GAB1: variants seen among roughly 807,000 people sequenced by gnomAD.
GAB1 encodes GRB2-associated-binding protein 1.
GAB1 carries 19 observed loss-of-function variants against 66.5 expected under a neutral mutation model. The observed-to-expected ratio is 0.29, with a 90% CI of 0.20 to 0.42. GAB1 has a LOEUF of 0.42. GAB1 is among the 10% of genes least tolerant of loss of function. The pLI, the probability that GAB1 is intolerant of heterozygous loss-of-function variation, is 1.00. For missense variants in GAB1, 732 were observed against 858.5 expected (o/e 0.85, Z 1.84); for synonymous variants, 294 against 301.4 (o/e 0.98, Z 0.25).
chr4:143,438,662 TA>T, intron 4 of GAB1, 62 bp downstream of exon 4: 1 of 1,522,374 alleles, frequency 6.6e-7, no homozygotes, highest in Non-Finnish European at 8.9e-7. Flanking sequence ...TTTTTCTGAA[TA>T]TTTGTTCTTT....
intron 8 of GAB1, among the ~76,000 whole-genome samples, chr4:143,463,873 T>C (rs1282800810): frequency 1.3e-5 from 2 of 152,102 alleles, no homozygotes; most frequent in Non-Finnish European, 2.9e-5. Context: ...AGACATAAAA[T>C]AGGTTAACTA....
chr4:143,438,477 G>A lies in GAB1; in HGVS notation c.1072G>A (p.Glu358Lys), dbSNP rs377101535. Reference sequence around the variant, plus strand: ...TCCAGCTCATGACCGATCTCCTGTGGAAACGTGTAGTATCCCACGCACCGC... The same window carrying A: ...TCCAGCTCATGACCGATCTCCTGTGAAAACGTGTAGTATCCCACGCACCGC... ...PHPAHDRSPV[E>K]TCSIPRTASD... Residue 358 changes from glutamate (E) to lysine (K), a missense_variant, in exon 4 of 10, where the codon GAA (glutamate) becomes AAA (lysine). By Grantham distance (56) the Glu-to-Lys change is moderately conservative (BLOSUM62 1). This residue lies in a region of GAB1 where 427 missense variants were observed against 420.6 expected (regional missense o/e 1.02). Transcript: ENST00000262994. 1 of 1,613,908 alleles carries A rather than the reference G, an allele frequency of 6.2e-7. No homozygotes were observed. Among genetic ancestry groups the A allele is most frequent in the Non-Finnish European group, 8.5e-7 (1 of 1,179,962 alleles).
intron 7 of GAB1, among the ~76,000 whole-genome samples, chr4:143,460,153 C>G (rs922013361): frequency 6.6e-6 from 1 of 151,984 alleles, no homozygotes; most frequent in Non-Finnish European, 1.5e-5. Context: ...AAATATTTTG[C>G]TGTCCAAAAT....
At chr4:143,360,316 T>A (rs1262917829) in intron 1 of GAB1, among the ~76,000 whole-genome samples, 1 of 152,204 alleles carries the variant, frequency 6.6e-6, no homozygotes, top group Non-Finnish European at 1.5e-5. Context: ...TCTTACGTTA[T>A]TTTTCTATTT....
intron 1 of GAB1, among the ~76,000 whole-genome samples, chr4:143,346,734 G>C (rs928111036): frequency 6.6e-6 from 1 of 152,144 alleles, no homozygotes; most frequent in Non-Finnish European, 1.5e-5. Flanking sequence ...ACAGTTTCAG[G>C]TTTAAATGTT....
Position 143,472,986 on chromosome 4 carries a change from C to G in GAB1, c.*3797C>G, listed in dbSNP as rs1422674183. Reference sequence around the variant, plus strand: ...TCAGCTTGAGAAAGTTGTTTTTAATCTGTCTAAATAGTTCATGCATTACTA... The same window carrying G: ...TCAGCTTGAGAAAGTTGTTTTTAATGTGTCTAAATAGTTCATGCATTACTA... On this transcript the variant is annotated 3_prime_UTR_variant, in exon 10 of 10. Transcript: ENST00000262994. 2 of 152,148 alleles carry G rather than the reference C, an allele frequency of 1.3e-5. No homozygotes were observed. The highest frequency in any genetic ancestry group is 2.9e-5 in the Non-Finnish European group (2 of 68,026). The allele number at this position is 152,148 out of a possible 1,614,324, so 9.4% of individuals were successfully genotyped here. A position where few individuals can be genotyped will look rare whatever the true frequency, so the allele number is the denominator to read the frequency against.
chr4:143,460,039 G>GTA (rs771639501), intron 7 of GAB1, among the ~76,000 whole-genome samples: 1 of 151,786 alleles, frequency 6.6e-6, no homozygotes, highest in Non-Finnish European at 1.5e-5. Flanking sequence ...GTGTGTGTGT[G>GTA]TATATAGTTT....
At chr4:143,462,043 C>CT (rs1447900950) in intron 8 of GAB1, among the ~76,000 whole-genome samples, 1 of 152,106 alleles carries the variant, frequency 6.6e-6, no homozygotes, top group Admixed American at 6.6e-5. Flanking sequence ...TCTCTTGAGC[C>CT]TAGTTCACAC....
At chr4:143,449,623 T>C (rs1734790851) in intron 6 of GAB1, among the ~76,000 whole-genome samples, 1 of 152,204 alleles carries the variant, frequency 6.6e-6, no homozygotes, top group Non-Finnish European at 1.5e-5. Flanking sequence ...CCCTGCCTTT[T>C]TTTGTTTTCC....
intron 1 of GAB1, among the ~76,000 whole-genome samples, chr4:143,348,444 C>G (rs1225326395): frequency 6.6e-6 from 1 of 152,216 alleles, no homozygotes; most frequent in Non-Finnish European, 1.5e-5. Context: ...TTTTCTTTGA[C>G]TTTTCTCTCT....
chr4:143,371,735 G>A lies in GAB1; in HGVS notation c.72+34475G>A, dbSNP rs143810635. On this transcript the variant is annotated intron_variant, in intron 1 of 9. Coordinates refer to ENST00000262994, the MANE Select transcript of GAB1 (RefSeq NM_002039.4). ...TTGAATTAATTTTTGTATAAGGTGT[G>A]AGGAAGGGATCCAGTTTCAGCTTTC... Among the ~76,000 whole-genome samples the A allele has an allele frequency of 6.8e-3, 1,036 of 152,172 alleles. 8 individuals are homozygous for A. Among genetic ancestry groups the A allele is most frequent in the African/African-American group, 0.023 (968 of 41,512 alleles).
At chr4:143,413,201 T>C (rs967743344) in intron 1 of GAB1, among the ~76,000 whole-genome samples, 19 of 151,986 alleles carry the variant, frequency 1.3e-4, no homozygotes, top group Non-Finnish European at 1.0e-4. Context: ...CATCATATTT[T>C]ATATTCTTTT....
chr4:143,368,926 AG>A (rs1169848450), intron 1 of GAB1, among the ~76,000 whole-genome samples: 1 of 152,154 alleles, frequency 6.6e-6, no homozygotes, highest in Non-Finnish European at 1.5e-5. Context: ...CTGAGATTAC[AG>A]GTGCCCATCA....
intron 1 of GAB1, among the ~76,000 whole-genome samples, chr4:143,401,837 A>G (rs1283290347): frequency 7.7e-6 from 1 of 129,590 alleles, no homozygotes; most frequent in Non-Finnish European, 1.7e-5. Context: ...ATTATGTATA[A>G]TTTTCGCCTT....
intron 1 of GAB1, among the ~76,000 whole-genome samples, chr4:143,384,128 C>T (rs984514035): frequency 2.6e-5 from 4 of 152,036 alleles, no homozygotes; most frequent in Non-Finnish European, 5.9e-5. Flanking sequence ...GTGATAAGGT[C>T]TTCCTTCTAA....
chr4:143,364,268 T>G (rs1729780337), intron 1 of GAB1, among the ~76,000 whole-genome samples: 1 of 152,176 alleles, frequency 6.6e-6, no homozygotes, highest in South Asian at 2.1e-4. Context: ...GATGTTAATC[T>G]GTCACTTTCC....
intron 2 of GAB1, chr4:143,426,062 A>G (rs542341544): frequency 1.2e-5 from 7 of 570,618 alleles, no homozygotes; most frequent in South Asian, 9.1e-5. Flanking sequence ...TAGATGAGCT[A>G]TGAAGACTTG....
intron 1 of GAB1, among the ~76,000 whole-genome samples, chr4:143,394,260 A>G (rs1374174454): frequency 6.6e-6 from 1 of 152,182 alleles, no homozygotes; most frequent in Admixed American, 6.5e-5. Flanking sequence ...CCTGGGGGAC[A>G]GAGTGAGACT....
At chr4:143,338,712 G>GGTGTGTGTGTGTGTGTGT (rs56381817) in intron 1 of GAB1, among the ~76,000 whole-genome samples, 7,387 of 149,186 alleles carry the variant, frequency 0.05, 253 homozygotes, top group African/African-American at 0.093. Context: ...GAAAGGTAGG[G>GGTGTGTGTGTGTGTGTGT]GTGTGTGTGT....
Sources: allele counts gnomAD v4.1 joint callset (sites outside exome capture counted in the v4.1 genomes callset), GRCh38; gene constraint gnomAD v4.1.1; regional missense constraint gnomAD v4.1.1; transcripts MANE v1.5; gene names NCBI Gene and HGNC (gene_info 2026-07-23, HGNC 2026-07-21).